The following DPM2 variants were observed in gnomAD, a reference collection of about 807,000 sequenced individuals.
DPM2 encodes dolichyl-phosphate mannosyltransferase subunit 2, regulatory.
Under a neutral mutation model 12.1 loss-of-function variants are expected in DPM2, and 8 were observed. The ratio of observed to expected loss-of-function variants is 0.66; its 90% CI spans 0.39 to 1.19. The LOEUF (loss-of-function observed/expected upper bound fraction) is 1.19. Among genes scored for constraint, DPM2 ranks in the 50% most tolerant of loss-of-function variants. DPM2 has a pLI of 0.01. For missense variants in DPM2, 93 were observed against 102.5 expected (o/e 0.91, Z 0.40); for synonymous variants, 38 against 44.7 (o/e 0.85, Z 0.60).
intron 1 of DPM2, 131 bp downstream of exon 1, chr9:127,937,687 G>C: frequency 7.6e-7 from 1 of 1,317,668 alleles, no homozygotes; most frequent in Non-Finnish European, 1.1e-6. Flanking sequence ...CTAGGCCTCC[G>C]CGTTGTCGTC....
In DPM2 at chr9:127,937,809, C is replaced by CA; in HGVS notation, c.3+8dup. On this transcript the variant is annotated intron_variant, in intron 1 of 3. Transcript: ENST00000314392. ...CGCCCCTATCTCCGGCACACGGTGC[C>CA]AATCTCACCATTTCCCCGCGCGCTC... The CA allele has an allele frequency of 6.2e-7, 1 of 1,608,944 alleles. No individual in the cohort carries two copies. The highest frequency in any genetic ancestry group is 8.5e-7 in the Non-Finnish European group (1 of 1,177,336).
Position 127,937,439 on chromosome 9 carries a change from G to A in DPM2, c.88C>T (p.Leu30Phe). 6.2e-7 allele frequency: 1 copy of A among 1,612,496 alleles called. No homozygotes were observed. Among genetic ancestry groups the A allele is most frequent in the South Asian group, 1.1e-5 (1 of 90,960 alleles). Residue 30 changes from leucine to phenylalanine, a missense_variant, in exon 2 of 4, where the codon CTC (leucine) becomes TTC (phenylalanine). Transcript: ENST00000314392. ...GGACGGGGAGAATGACATACCAAGA[G>A]AATCACCCAGGCGGTGTAGTAGGTG... Reference protein sequence around the residue: ...IFTYYTAWVILLPFIDSQHVI... With the variant: ...IFTYYTAWVIFLPFIDSQHVI...
At chr9:127,937,586 G>C in intron 1 of DPM2, 63 bp from the exon 2 acceptor site, 5 of 1,412,510 alleles carry the variant, frequency 3.5e-6, no homozygotes, top group Non-Finnish European at 4.9e-6. Flanking sequence ...TAATGGAAGC[G>C]GGGCGTCGCG....
Position 127,935,621 on chromosome 9 carries a change from G to A in DPM2, c.*101C>T. ...GACTCTGCAGGACAGGCAGGCTTGA[G>A]GAGCCACTGTGCCTGGACAGGTTCT... is the stretch of plus-strand genomic sequence containing the variant. On this transcript the variant is annotated 3_prime_UTR_variant, in exon 4 of 4. Coordinates refer to ENST00000314392, the MANE Select transcript of DPM2 (RefSeq NM_003863.4). 1 of 1,232,726 alleles carries A rather than the reference G, an allele frequency of 8.1e-7. No individual in the cohort carries two copies. The highest frequency in any genetic ancestry group is 1.2e-6 in the Non-Finnish European group (1 of 854,286). 76.4% of individuals were successfully genotyped at this position (1,232,726 alleles called of 1,614,324 possible).
At position 127,935,798 on chromosome 9, in the gene DPM2, G is replaced by A; in HGVS notation, c.197-18C>T. 1 of 1,612,606 alleles carries A rather than the reference G, an allele frequency of 6.2e-7. No homozygotes were observed. On this transcript the variant is annotated intron_variant, in intron 3 of 3. Transcript: ENST00000314392. The stretch of plus-strand genomic sequence containing the variant: ...GAACAGTCCTGGGATACACAGACCA[G>A]AAAGGCCACATAAGATCTAAGCTCA...
In DPM2 at chr9:127,937,785, G is replaced by A. The variant is rs909751496; in HGVS notation, c.3+33C>T. On this transcript the variant is annotated intron_variant, in intron 1 of 3. Transcript: ENST00000314392. The stretch of plus-strand genomic sequence containing the variant: ...CAGACCCGGGACCCCACCCCCAGAC[G>A]CCCCTATCTCCGGCACACGGTGCCA... 47 of 1,610,852 alleles carry A rather than the reference G, an allele frequency of 2.9e-5. No individual in the cohort carries two copies. In the Middle Eastern group the frequency reaches 1.0e-3, roughly 34 times the overall value.
intron 2 of DPM2, 84 bp from the exon 3 acceptor site, chr9:127,936,739 G>A: frequency 8.0e-7 from 1 of 1,252,408 alleles, no homozygotes; most frequent in East Asian, 2.8e-5. Context: ...TCCATCTAAG[G>A]GGCTGACCCA....
At chr9:127,937,290 C>A in intron 2 of DPM2, 144 bp downstream of exon 2, 1 of 611,546 alleles carries the variant, frequency 1.6e-6, no homozygotes. Flanking sequence ...GTACCACTGG[C>A]ATCTTCCTCA....
chr9:127,937,664 C>G, intron 1 of DPM2, 141 bp from the exon 2 acceptor site: 1 of 1,248,732 alleles, frequency 8.0e-7, no homozygotes, highest in Non-Finnish European at 1.2e-6. Context: ...AGTTTCTAGG[C>G]TGGGAGAGAA....
At chr9:127,937,708 TG>T in intron 1 of DPM2, 109 bp downstream of exon 1, 2 of 1,432,600 alleles carry the variant, frequency 1.4e-6, no homozygotes, top group Non-Finnish European at 2.0e-6. Context: ...CGTACAATAG[TG>T]GGGGCGGGAG....
intron 2 of DPM2, 113 bp from the exon 3 acceptor site, chr9:127,936,768 C>T: frequency 2.2e-6 from 2 of 911,580 alleles, no homozygotes; most frequent in Non-Finnish European, 3.0e-6. Context: ...ACTGGGACTG[C>T]ATTTGCTTTT....
chr9:127,937,831 G>T lies in DPM2; in HGVS notation c.-11C>A, dbSNP rs146637437. On this transcript the variant is annotated 5_prime_UTR_variant, in exon 1 of 4. Coordinates refer to ENST00000314392, the MANE Select transcript of DPM2 (RefSeq NM_003863.4). ...TGCCAATCTCACCATTTCCCCGCGC[G>T]CTCAGCCACCCGAGCCGCAAGCCAC... 1.3e-6 allele frequency: 2 copies of T among 1,599,080 alleles called. No individual in the cohort carries two copies. The highest frequency in any genetic ancestry group is 1.7e-5 in the Admixed American group (1 of 58,946).
At position 127,935,606 on chromosome 9, in the gene DPM2, G is replaced by T; in HGVS notation, c.*116C>A. The T allele has an allele frequency of 1.9e-6, 2 of 1,050,220 alleles. No individual in the cohort carries two copies. Among genetic ancestry groups the T allele is most frequent in the Non-Finnish European group, 2.9e-6 (2 of 694,138 alleles). The allele number at this position is 1,050,220 out of a possible 1,614,324, so 65.1% of individuals were successfully genotyped here. A position where few individuals can be genotyped will look rare whatever the true frequency, so the allele number is the denominator to read the frequency against. ...GCTCCATGCCATGGGGACTCTGCAG[G>T]ACAGGCAGGCTTGAGGAGCCACTGT... On this transcript the variant is annotated 3_prime_UTR_variant, in exon 4 of 4. Coordinates refer to ENST00000314392, the MANE Select transcript of DPM2 (RefSeq NM_003863.4).
chr9:127,937,000 T>A, intron 2 of DPM2: 1 of 304,576 alleles, frequency 3.3e-6, no homozygotes, highest in South Asian at 1.4e-4. Context: ...TTCACTAATA[T>A]TTTTTCTCTA....
At chr9:127,937,702 C>A in intron 1 of DPM2, 116 bp downstream of exon 1, 2 of 1,413,282 alleles carry the variant, frequency 1.4e-6, no homozygotes, top group Non-Finnish European at 2.0e-6. Context: ...GTCGTCCGTA[C>A]AATAGTGGGG....
At position 127,935,377 on chromosome 9, in the gene DPM2, C is replaced by A; in HGVS notation, c.*345G>T. The A allele has an allele frequency of 2.5e-6, 1 of 402,324 alleles. No homozygotes were observed. Among genetic ancestry groups the A allele is most frequent in the Non-Finnish European group, 4.7e-6 (1 of 214,244 alleles). 24.9% of individuals were successfully genotyped at this position (402,324 alleles called of 1,614,324 possible). A position where few individuals can be genotyped will look rare whatever the true frequency, so the allele number is the denominator to read the frequency against. On this transcript the variant is annotated 3_prime_UTR_variant, in exon 4 of 4. Coordinates refer to ENST00000314392, the MANE Select transcript of DPM2 (RefSeq NM_003863.4). ...TGGCCTTAGAACCTGCTAAGTCCAA[C>A]GTCAGCATGTGACAGGAGGGGAAGT...
At chr9:127,935,825 G>C in intron 3 of DPM2, 45 bp from the exon 4 acceptor site, 1 of 1,601,530 alleles carries the variant, frequency 6.2e-7, no homozygotes, top group Non-Finnish European at 8.5e-7. Context: ...CTAAGCTCAG[G>C]GCTGCTGGGA....
chr9:127,937,597 G>T, intron 1 of DPM2, 74 bp from the exon 2 acceptor site: 1 of 1,352,090 alleles, frequency 7.4e-7, no homozygotes, highest in Non-Finnish European at 1.0e-6. Context: ...GGGCGTCGCG[G>T]CCCGATCACG....
Position 127,937,551 on chromosome 9 carries a change from G to A in DPM2, c.4-28C>T, listed in dbSNP as rs377601699. ...GGAGAAAAGGGAGGTCTCAGCTGAC[G>A]AAGTGACCCTCTATTTCGGCGCACT... On this transcript the variant is annotated intron_variant, in intron 1 of 3. Coordinates refer to ENST00000314392, the MANE Select transcript of DPM2 (RefSeq NM_003863.4). 901 of 1,572,260 alleles carry A rather than the reference G, an allele frequency of 5.7e-4. 2 individuals are homozygous for A. The highest frequency in any genetic ancestry group is 1.2e-3 in the Middle Eastern group (7 of 5,968).
Sources: allele counts gnomAD v4.1 joint callset, GRCh38; gene constraint gnomAD v4.1.1; transcripts MANE v1.5; gene names NCBI Gene and HGNC (gene_info 2026-07-23, HGNC 2026-07-21).